MICAL3: variants seen among roughly 807,000 people sequenced by gnomAD.
The protein encoded by MICAL3 is microtubule associated monooxygenase, calponin and LIM domain containing 3, also known as [F-actin]-monooxygenase MICAL3.
In MICAL3, 62 loss-of-function variants were observed where a neutral mutation model predicts 207.4. The observed-to-expected ratio is 0.30, with a 90% CI of 0.24 to 0.37. The LOEUF is 0.37. Ranked by LOEUF, MICAL3 falls within the 10% of genes least tolerant of loss-of-function variation. The pLI is 1.00. For synonymous variants in MICAL3, 1,077 were observed against 1,069.3 expected, an observed-to-expected ratio of 1.01 and a Z score of -0.14; for missense variants, 2,368 against 2,635.6, an observed-to-expected ratio of 0.90 and a Z score of 2.22.
intron 1 of MICAL3, among the ~76,000 whole-genome samples, chr22:18,016,833 G>A (rs144352515): frequency 0.019 from 2,896 of 151,982 alleles, 113 homozygotes; most frequent in East Asian, 0.18. Context: ...CCAGCTACTC[G>A]GGAGGCTGAG....
At chr22:17,844,654 T>C (rs1315996705) in intron 19 of MICAL3, among the ~76,000 whole-genome samples, 1 of 152,198 alleles carries the variant, frequency 6.6e-6, no homozygotes, top group East Asian at 1.9e-4. Context: ...ACACGAATAC[T>C]TGAGTTCACT....
intron 29 of MICAL3, chr22:17,791,512 A>C: frequency 1.7e-6 from 1 of 578,942 alleles, no homozygotes; most frequent in Non-Finnish European, 3.1e-6. Flanking sequence ...ATCCCTGTTC[A>C]CCCCGTCAGC....
At chr22:17,918,054 C>T (rs1932646759) in intron 1 of MICAL3, among the ~76,000 whole-genome samples, 1 of 152,232 alleles carries the variant, frequency 6.6e-6, no homozygotes, top group Admixed American at 6.5e-5. Flanking sequence ...GGTAAACTGT[C>T]TTCACTAAAT....
At chr22:17,987,527 G>A (rs940007007) in intron 1 of MICAL3, among the ~76,000 whole-genome samples, 5 of 152,238 alleles carry the variant, frequency 3.3e-5, no homozygotes, top group African/African-American at 1.2e-4. Flanking sequence ...CCTAGCATGC[G>A]TGCTGGGGAA....
intron 1 of MICAL3, among the ~76,000 whole-genome samples, chr22:17,928,643 C>T (rs1435833359): frequency 6.6e-6 from 1 of 152,166 alleles, no homozygotes; most frequent in South Asian, 2.1e-4. Context: ...GACACATTCA[C>T]TCCTTGAAAT....
At chr22:17,845,064 T>G (rs1924491595) in intron 19 of MICAL3, among the ~76,000 whole-genome samples, 1 of 152,212 alleles carries the variant, frequency 6.6e-6, no homozygotes, top group Non-Finnish European at 1.5e-5. Flanking sequence ...TTCCATCATT[T>G]ATTTTTGACA....
chr22:17,875,682 TAA>T (rs60415785), intron 16 of MICAL3: 5,435 of 169,448 alleles, frequency 0.032, no homozygotes, highest in South Asian at 0.085. Context: ...CCATGTATAG[TAA>T]AAAAAAAAAA....
chr22:17,869,255 G>T (rs1037312011), intron 17 of MICAL3, among the ~76,000 whole-genome samples: 1 of 152,180 alleles, frequency 6.6e-6, no homozygotes, highest in Non-Finnish European at 1.5e-5. Context: ...TAGGACACTG[G>T]TGAGATCCAA....
At chr22:17,809,779 GCCACAAATGGACTCCTGGTGACAGT>G (rs2062024355) in intron 28 of MICAL3, among the ~76,000 whole-genome samples, 1 of 152,240 alleles carries the variant, frequency 6.6e-6, no homozygotes, top group African/African-American at 2.4e-5. Context: ...AGGCTGAGGG[GCCACAAATGGACTCCTGGTGACAGT>G]CCTCACAATT....
At chr22:17,879,086 T>C (rs1929169700) in intron 16 of MICAL3, among the ~76,000 whole-genome samples, 1 of 152,158 alleles carries the variant, frequency 6.6e-6, no homozygotes, top group South Asian at 2.1e-4. Context: ...TGGGAAGTCA[T>C]TAAGGCCCTT....
At chr22:17,863,251 G>A in intron 19 of MICAL3, 5 of 985,318 alleles carry the variant, frequency 5.1e-6, no homozygotes, top group Non-Finnish European at 6.0e-6. Flanking sequence ...AAAATGTTCT[G>A]TACTCCAAAC....
chr22:17,958,553 C>A (rs931980873), intron 1 of MICAL3, among the ~76,000 whole-genome samples: 1 of 152,166 alleles, frequency 6.6e-6, no homozygotes, highest in Non-Finnish European at 1.5e-5. Flanking sequence ...CAGAGGGAGC[C>A]CTCGACAGGG....
At position 17,958,704 on chromosome 22, in the gene MICAL3, TA is replaced by T. The variant is rs67841363; in HGVS notation, c.-74-51819del. Reference sequence around the variant, plus strand: ...TTGTTTTTGAGTTGTTGGGTTTTTTTATTTTTTTTTTCTTTTGAGACAGAGT... The same window carrying T: ...TTGTTTTTGAGTTGTTGGGTTTTTTTTTTTTTTTTTCTTTTGAGACAGAGT... On this transcript the variant is annotated intron_variant, in intron 1 of 31. Coordinates refer to ENST00000441493, the MANE Select transcript of MICAL3 (RefSeq NM_015241.3). Among the ~76,000 whole-genome samples the T allele has an allele frequency of 3.8e-3, 514 of 134,040 alleles. 4 individuals are homozygous for T. Among genetic ancestry groups the T allele is most frequent in the African/African-American group, 0.017 (483 of 28,634 alleles). 87.9% of individuals were successfully genotyped at this position (134,040 alleles called of 152,430 possible).
chr22:17,840,649 C>T (rs556318653), intron 20 of MICAL3: 1 of 152,386 alleles, frequency 6.6e-6, no homozygotes, highest in African/African-American at 2.4e-5. Context: ...AAGCCAGTAG[C>T]TCTGCTCAAG....
At chr22:17,951,896 C>T (rs1177363994) in intron 1 of MICAL3, among the ~76,000 whole-genome samples, 3 of 152,038 alleles carry the variant, frequency 2.0e-5, no homozygotes, top group Non-Finnish European at 2.9e-5. Flanking sequence ...AGGGTTTCCC[C>T]ATGTTGGCCA....
At chr22:17,976,238 T>C (rs963775071) in intron 1 of MICAL3, among the ~76,000 whole-genome samples, 3 of 152,220 alleles carry the variant, frequency 2.0e-5, no homozygotes, top group African/African-American at 7.2e-5. Flanking sequence ...TGGTAACTTG[T>C]CCACATAACC....
chr22:17,861,011 A>G, intron 19 of MICAL3: 1 of 985,364 alleles, frequency 1.0e-6, no homozygotes. Context: ...GTGTACCTAT[A>G]TATAAACATT....
chr22:17,902,757 T>C lies in MICAL3; in HGVS notation c.473-10A>G. The C allele has an allele frequency of 6.5e-7, 1 of 1,535,736 alleles. No individual in the cohort carries two copies. The highest frequency in any genetic ancestry group is 8.9e-7 in the Non-Finnish European group (1 of 1,120,550). On this transcript the variant is annotated splice_polypyrimidine_tract_variant and intron_variant, in intron 3 of 31. Coordinates refer to ENST00000441493, the MANE Select transcript of MICAL3 (RefSeq NM_015241.3). The surrounding 1 kb of genome is among the most constrained non-coding windows in gnomAD (Gnocchi z 4.5). ...TGGAGCTGACGGATACCTGGGAGAA[T>C]ACAGAGATGACGTTGATGGGAACAC... is the stretch of plus-strand genomic sequence containing the variant.
chr22:17,961,286 A>G (rs536859402), intron 1 of MICAL3, among the ~76,000 whole-genome samples: 2 of 152,316 alleles, frequency 1.3e-5, no homozygotes, highest in African/African-American at 4.8e-5. Context: ...TGAGAACTGA[A>G]GAGATAATGA....
Sources: allele counts gnomAD v4.1 joint callset (sites outside exome capture counted in the v4.1 genomes callset), GRCh38; gene constraint gnomAD v4.1.1; non-coding constraint Gnocchi (gnomAD v3.1); transcripts MANE v1.5; gene names NCBI Gene and HGNC (gene_info 2026-07-23, HGNC 2026-07-21).